The following PTPRT variants were observed in gnomAD, a reference collection of about 807,000 sequenced individuals.
PTPRT encodes the protein receptor-type tyrosine-protein phosphatase T.
A neutral mutation model predicts 176.8 loss-of-function variants in PTPRT; 56 were observed. That is an observed-to-expected ratio of 0.32 (90% CI 0.26 to 0.40). The LOEUF is 0.40. Ranked by LOEUF, PTPRT falls within the 10% of genes least tolerant of loss-of-function variation. PTPRT has a pLI of 1.00. For missense variants in PTPRT, 1,540 were observed against 1,908.2 expected (o/e 0.81, Z 3.60); for synonymous variants, 783 against 739.0 (o/e 1.06, Z -0.96).
At chr20:42,657,924 C>CT (rs3092107) in intron 7 of PTPRT, among the ~76,000 whole-genome samples, 4,623 of 141,556 alleles carry the variant, frequency 0.033, 241 homozygotes, top group African/African-American at 0.11. Flanking sequence ...TGAGGTTTAC[C>CT]TTTTTTTTTT....
chr20:42,172,669 A>G (rs914111937), intron 16 of PTPRT, among the ~76,000 whole-genome samples: 2 of 152,206 alleles, frequency 1.3e-5, no homozygotes, highest in Non-Finnish European at 2.9e-5. Flanking sequence ...TATAACCAGA[A>G]AATTGACATA....
intron 2 of PTPRT, among the ~76,000 whole-genome samples, chr20:42,791,733 C>T (rs554378699): frequency 6.6e-6 from 1 of 152,340 alleles, no homozygotes; most frequent in East Asian, 1.9e-4. Context: ...CAACGTGCTA[C>T]TATTGCTATT....
intron 14 of PTPRT, among the ~76,000 whole-genome samples, chr20:42,244,267 G>A (rs1182076980): frequency 6.6e-6 from 1 of 152,180 alleles, no homozygotes; most frequent in Non-Finnish European, 1.5e-5. Flanking sequence ...GCAGGTACAA[G>A]TCACAGAGAA....
At chr20:42,923,856 C>T (rs369879042) in intron 1 of PTPRT, among the ~76,000 whole-genome samples, 4,067 of 148,514 alleles carry the variant, frequency 0.027, 88 homozygotes, top group African/African-American at 0.076. Context: ...TTTTTTTTTT[C>T]CTTAAGACAG....
chr20:42,842,433 GT>G (rs371197106), intron 2 of PTPRT, among the ~76,000 whole-genome samples: 3,361 of 152,092 alleles, frequency 0.022, 113 homozygotes, highest in African/African-American at 0.075. Context: ...TTTTTATTAT[GT>G]TTTTTGAGAC....
intron 2 of PTPRT, among the ~76,000 whole-genome samples, chr20:42,857,235 C>T (rs1368808888): frequency 6.6e-6 from 1 of 152,154 alleles, no homozygotes; most frequent in Non-Finnish European, 1.5e-5. Flanking sequence ...TTAGAACTAG[C>T]TATCCTGTTT....
intron 22 of PTPRT, among the ~76,000 whole-genome samples, chr20:42,110,991 C>T (rs536854734): frequency 6.6e-6 from 1 of 152,316 alleles, no homozygotes; most frequent in Non-Finnish European, 1.5e-5. Flanking sequence ...TAACTTAGTA[C>T]TGACTTCTTT....
rs539797443 is a variant in PTPRT, at chr20:42,689,752, T to C, written c.860-11593A>G. Reference sequence around the variant, plus strand: ...GAGGCAGGAGAGTCGGAGAGAGCGATTGGAAGATGCTATGTTCTGGCTGTG... The same window carrying C: ...GAGGCAGGAGAGTCGGAGAGAGCGACTGGAAGATGCTATGTTCTGGCTGTG... On this transcript the variant is annotated intron_variant, in intron 6 of 30. Coordinates refer to ENST00000373187, the MANE Select transcript of PTPRT (RefSeq NM_007050.6). 4.6e-5 allele frequency among the ~76,000 whole-genome samples: 7 copies of C among 152,096 alleles called. No individual in the cohort carries two copies. In the South Asian group the frequency reaches 1.2e-3, roughly 27 times the overall value.
At chr20:43,094,751 G>A (rs534948700) in intron 1 of PTPRT, among the ~76,000 whole-genome samples, 5 of 152,124 alleles carry the variant, frequency 3.3e-5, no homozygotes, top group Non-Finnish European at 5.9e-5. Context: ...CTGTTACTAC[G>A]GGAGCTCTAT....
At chr20:42,311,444 C>G (rs1189647596) in intron 12 of PTPRT, among the ~76,000 whole-genome samples, 1 of 152,158 alleles carries the variant, frequency 6.6e-6, no homozygotes, top group Non-Finnish European at 1.5e-5. Flanking sequence ...TCCTACCCTT[C>G]CTTGACTAAA....
chr20:42,674,653 C>T (rs764736126), intron 7 of PTPRT, among the ~76,000 whole-genome samples: 15 of 152,094 alleles, frequency 9.9e-5, no homozygotes, highest in Non-Finnish European at 2.1e-4. Context: ...AGTTTAGTAA[C>T]ATATCATTAT....
At chr20:42,755,549 T>C (rs547921793) in intron 6 of PTPRT, among the ~76,000 whole-genome samples, 2 of 151,186 alleles carry the variant, frequency 1.3e-5, no homozygotes, top group Admixed American at 6.6e-5. Context: ...TACACTGCAG[T>C]TACCAGTGTA....
At position 43,006,378 on chromosome 20, in the gene PTPRT, G is replaced by C. The variant is rs73907442; in HGVS notation, c.89-120446C>G. ...TGTGAAGCATATGTTAATTCATTCT[G>C]GTTCTCAAAACCCAAGGAAAGAATC... On this transcript the variant is annotated intron_variant, in intron 1 of 30. Transcript: ENST00000373187. Among the ~76,000 whole-genome samples the C allele has an allele frequency of 2.4e-3, 358 of 152,214 alleles. 1 individual carries two copies. Among genetic ancestry groups the C allele is most frequent in the African/African-American group, 8.3e-3 (346 of 41,530 alleles).
intron 11 of PTPRT, among the ~76,000 whole-genome samples, chr20:42,349,917 C>T (rs1047668053): frequency 2.6e-5 from 4 of 152,202 alleles, no homozygotes; most frequent in South Asian, 4.1e-4. Context: ...TCTCCAACCA[C>T]GTTTGGTAAA....
At chr20:42,923,159 G>A (rs1190880625) in intron 1 of PTPRT, among the ~76,000 whole-genome samples, 1 of 151,816 alleles carries the variant, frequency 6.6e-6, no homozygotes, top group African/African-American at 2.4e-5. Context: ...TTCAGCCCCT[G>A]CACCTGGAGA....
At chr20:42,458,890 G>A (rs2070969065) in intron 8 of PTPRT, among the ~76,000 whole-genome samples, 1 of 152,070 alleles carries the variant, frequency 6.6e-6, no homozygotes, top group South Asian at 2.1e-4. Context: ...GGGAAGCAGA[G>A]TAAGAAAAAC....
intron 7 of PTPRT, among the ~76,000 whole-genome samples, chr20:42,578,986 C>T (rs930847058): frequency 2.7e-5 from 4 of 150,662 alleles, no homozygotes; most frequent in Non-Finnish European, 5.9e-5. Flanking sequence ...TATACATGTG[C>T]CATGTTGGTG....
chr20:42,117,604 T>A (rs1010677623), intron 21 of PTPRT, among the ~76,000 whole-genome samples: 1 of 151,738 alleles, frequency 6.6e-6, no homozygotes, highest in Non-Finnish European at 1.5e-5. Context: ...GCTGCTGAGA[T>A]TGAGTAAGAT....
intron 9 of PTPRT, among the ~76,000 whole-genome samples, chr20:42,382,601 G>A (rs2058707580): frequency 6.6e-6 from 1 of 152,128 alleles, no homozygotes; most frequent in Non-Finnish European, 1.5e-5. Flanking sequence ...GTCCGTGCAG[G>A]AAAACAGGGG....
Sources: gnomAD v4.1 joint callset for allele counts (sites outside exome capture counted in the v4.1 genomes callset) on GRCh38, gnomAD v4.1.1 for gene constraint, MANE v1.5 for transcripts, NCBI Gene and HGNC (gene_info 2026-07-23, HGNC 2026-07-21) for gene names.